GRIA1: variants seen among roughly 807,000 people sequenced by gnomAD.
GRIA1 encodes glutamate ionotropic receptor AMPA type subunit 1.
GRIA1 carries 31 observed loss-of-function variants against 99.2 expected under a neutral mutation model. The observed-to-expected ratio is 0.31, with a 90% confidence interval of 0.23 to 0.42. The LOEUF (loss-of-function observed/expected upper bound fraction) is 0.42. Among genes scored for constraint, GRIA1 ranks in the 10% least tolerant of loss-of-function variants. The probability of loss-of-function intolerance (pLI) is 1.00; values close to 1 mark genes in which losing one functional copy is unlikely to be tolerated. For missense variants in GRIA1, 782 were observed against 1,157.5 expected (o/e 0.68, Z 4.71); for synonymous variants, 438 against 432.4 (o/e 1.01, Z -0.16).
At chr5:153,765,925 C>A (rs1274518077) in intron 12 of GRIA1, among the ~76,000 whole-genome samples, 1 of 152,120 alleles carries the variant, frequency 6.6e-6, no homozygotes, top group East Asian at 1.9e-4. Flanking sequence ...TAATTAGTAG[C>A]AGAAGGAGCA....
intron 2 of GRIA1, 115 bp from the exon 3 acceptor site, chr5:153,646,813 C>G (rs375590125): frequency 1.4e-5 from 16 of 1,108,552 alleles, no homozygotes; most frequent in Middle Eastern, 2.3e-4. Context: ...GGATAGATGA[C>G]AGTTGGGTGG....
intron 5 of GRIA1, among the ~76,000 whole-genome samples, chr5:153,669,291 C>T (rs1316152291): frequency 6.6e-6 from 1 of 152,196 alleles, no homozygotes; most frequent in Non-Finnish European, 1.5e-5. Flanking sequence ...AACCTCAAAA[C>T]TCTTAAAAAG....
intron 3 of GRIA1, among the ~76,000 whole-genome samples, chr5:153,648,103 C>T (rs1473371553): frequency 6.6e-6 from 1 of 152,184 alleles, no homozygotes; most frequent in Non-Finnish European, 1.5e-5. Flanking sequence ...TGGTTGCCTG[C>T]AGGGAGTCTT....
chr5:153,629,885 G>A (rs1172007848), intron 2 of GRIA1, among the ~76,000 whole-genome samples: 1 of 152,154 alleles, frequency 6.6e-6, no homozygotes, highest in African/African-American at 2.4e-5. Flanking sequence ...CAAGGGTCTT[G>A]ACTGTTGTTT....
At chr5:153,545,111 C>G (rs1385043104) in intron 2 of GRIA1, among the ~76,000 whole-genome samples, 3 of 152,178 alleles carry the variant, frequency 2.0e-5, no homozygotes, top group Non-Finnish European at 2.9e-5. Flanking sequence ...ATCCCTGGTC[C>G]TCCTGGCTGA....
At chr5:153,783,179 C>T (rs1393460527) in intron 13 of GRIA1, among the ~76,000 whole-genome samples, 4 of 152,194 alleles carry the variant, frequency 2.6e-5, no homozygotes, top group Admixed American at 6.5e-5. Flanking sequence ...ATCCTGTTCA[C>T]GCAGTCCTTA....
At chr5:153,526,348 C>T (rs1433022147) in intron 2 of GRIA1, among the ~76,000 whole-genome samples, 1 of 152,070 alleles carries the variant, frequency 6.6e-6, no homozygotes, top group Non-Finnish European at 1.5e-5. Context: ...CAAAATGAGG[C>T]CAATATAGTA....
At chr5:153,632,266 C>A (rs1036125941) in intron 2 of GRIA1, among the ~76,000 whole-genome samples, 10 of 152,034 alleles carry the variant, frequency 6.6e-5, no homozygotes, top group Non-Finnish European at 1.5e-4. Flanking sequence ...GAGCCCTAGG[C>A]CAGGGTGAGA....
At chr5:153,602,533 TAATAA>T (rs569066151) in intron 2 of GRIA1, among the ~76,000 whole-genome samples, 4 of 141,228 alleles carry the variant, frequency 2.8e-5, no homozygotes, top group Non-Finnish European at 3.2e-5. Context: ...AGTATAATAA[TAATAA>T]AATAAAAGAA....
Position 153,766,160 on chromosome 5 carries a change from A to C in GRIA1, c.2022+1528A>C, listed in dbSNP as rs535894329. On this transcript the variant is annotated intron_variant, in intron 12 of 15. Transcript: ENST00000285900. ...TCCTAACTCCAAGGCTAAAATCATC[A>C]ATTTTCAATGTGTCAGAGCAGGAAG... Among the ~76,000 whole-genome samples the C allele has an allele frequency of 3.9e-5, 6 of 152,298 alleles. No homozygotes were observed. The South Asian group carries it at 1.2e-3, about 32-fold the overall frequency.
chr5:153,517,650 T>C (rs1379759972), intron 2 of GRIA1, among the ~76,000 whole-genome samples: 1 of 152,198 alleles, frequency 6.6e-6, no homozygotes, highest in Admixed American at 6.5e-5. Flanking sequence ...CCACATCTAG[T>C]TCATCAGCAA....
intron 2 of GRIA1, among the ~76,000 whole-genome samples, chr5:153,503,414 C>T (rs921168633): frequency 1.3e-5 from 2 of 152,120 alleles, no homozygotes; most frequent in African/African-American, 4.8e-5. Flanking sequence ...CAGGCAAGTG[C>T]CATTATTTGT....
chr5:153,608,527 T>C (rs1371864228), intron 2 of GRIA1, among the ~76,000 whole-genome samples: 1 of 152,248 alleles, frequency 6.6e-6, no homozygotes, highest in East Asian at 1.9e-4. Flanking sequence ...AATCTGCCAT[T>C]GTTCCTGTCT....
chr5:153,631,150 G>A (rs1463526615), intron 2 of GRIA1, among the ~76,000 whole-genome samples: 3 of 152,192 alleles, frequency 2.0e-5, no homozygotes, highest in Non-Finnish European at 4.4e-5. Flanking sequence ...GAAAGAGGCT[G>A]TGCCCTCAAA....
chr5:153,714,301 G>A (rs767102343), intron 11 of GRIA1, among the ~76,000 whole-genome samples: 5 of 152,154 alleles, frequency 3.3e-5, no homozygotes, highest in African/African-American at 7.2e-5. Context: ...AACAGCCACC[G>A]TATGTACTTA....
intron 2 of GRIA1, among the ~76,000 whole-genome samples, chr5:153,501,534 C>A (rs1755011649): frequency 6.6e-6 from 1 of 152,182 alleles, no homozygotes; most frequent in African/African-American, 2.4e-5. Flanking sequence ...TTAGCTCAAA[C>A]ACTAAAGAAC....
chr5:153,781,064 T>C lies in GRIA1; in HGVS notation c.2270+10649T>C, dbSNP rs1476193496. 2.6e-5 allele frequency among the ~76,000 whole-genome samples: 4 copies of C among 152,280 alleles called. No homozygotes were observed. In the East Asian group the frequency reaches 7.7e-4, roughly 29 times the overall value. On this transcript the variant is annotated intron_variant, in intron 13 of 15. Coordinates refer to ENST00000285900, the MANE Select transcript of GRIA1 (RefSeq NM_000827.4). ...TGAGAAATTCCCAGCCATCTGTCCC[T>C]GTAACATTTTGTGAATGGTCCCACA...
intron 2 of GRIA1, among the ~76,000 whole-genome samples, chr5:153,554,319 G>C (rs1760419650): frequency 6.6e-6 from 1 of 152,150 alleles, no homozygotes; most frequent in Admixed American, 6.5e-5. Flanking sequence ...AGCTGAAAAT[G>C]CTGTCATGGT....
chr5:153,798,460 G>C (rs957270147), intron 14 of GRIA1, among the ~76,000 whole-genome samples: 10 of 152,156 alleles, frequency 6.6e-5, no homozygotes, highest in Non-Finnish European at 1.0e-4. Context: ...TAAAAATCCA[G>C]GTGTAAACAT....
Sources: gnomAD v4.1 joint callset for allele counts (sites outside exome capture counted in the v4.1 genomes callset) on GRCh38, gnomAD v4.1.1 for gene constraint, MANE v1.5 for transcripts, NCBI Gene and HGNC (gene_info 2026-07-23, HGNC 2026-07-21) for gene names.